Variants in LRRK2 observed in about 807,000 individuals in gnomAD.
LRRK2 encodes the protein leucine-rich repeat serine/threonine-protein kinase 2.
Under a neutral mutation model 302.6 loss-of-function variants are expected in LRRK2, and 203 were observed. The ratio of observed to expected loss-of-function variants is 0.67; its 90% CI spans 0.60 to 0.75. The LOEUF is 0.75. Among genes scored for constraint, LRRK2 ranks in the 30% least tolerant of loss-of-function variants. The pLI, the probability that LRRK2 is intolerant of heterozygous loss-of-function variation, is 0.00. For synonymous variants in LRRK2, 1,066 were observed against 1,031.9 expected (o/e 1.03, Z -0.63); for missense variants, 2,830 against 2,951.0 (o/e 0.96, Z 0.95).
intron 31 of LRRK2, among the ~76,000 whole-genome samples, chr12:40,311,508 C>T (rs1389496734): frequency 6.6e-6 from 1 of 152,136 alleles, no homozygotes; most frequent in Non-Finnish European, 1.5e-5. Flanking sequence ...CACTAATGAT[C>T]AAGATACTGG....
chr12:40,247,155 AT>A (rs1194017697), intron 7 of LRRK2, among the ~76,000 whole-genome samples: 3 of 152,048 alleles, frequency 2.0e-5, no homozygotes, highest in Non-Finnish European at 4.4e-5. Context: ...AGCAACTTGT[AT>A]TTTCACTTCT....
chr12:40,311,195 A>G (rs1244181472), intron 31 of LRRK2, among the ~76,000 whole-genome samples: 1 of 152,082 alleles, frequency 6.6e-6, no homozygotes, highest in Non-Finnish European at 1.5e-5. Context: ...CATGAAGACC[A>G]CTAACTTGGT....
intron 7 of LRRK2, among the ~76,000 whole-genome samples, chr12:40,249,372 T>C (rs1942153777): frequency 6.6e-6 from 1 of 151,536 alleles, no homozygotes; most frequent in African/African-American, 2.4e-5. Flanking sequence ...ATGGTAAACA[T>C]GCCAATGAAT....
Position 40,237,988 on chromosome 12 carries a change from A to G in LRRK2, c.456A>G (p.Ile152Met). ...AAATAGGTAAAATCACCTTGCTGAT[A>G]TTGGATGAAGAAAGTGATATTTTCA... is the stretch of plus-strand genomic sequence containing the variant. ...LLTSGKITLL[I>M]LDEESDIFML... Residue 152 changes from isoleucine (I) to methionine (M), a missense_variant, in exon 5 of 51, where the codon ATA (isoleucine) becomes ATG (methionine). Physicochemically the swap from Ile to Met is conservative, Grantham distance 10. Transcript: ENST00000298910. 1.2e-6 allele frequency: 2 copies of G among 1,612,270 alleles called. No homozygotes were observed. The highest frequency in any genetic ancestry group is 1.7e-6 in the Non-Finnish European group (2 of 1,178,742).
At chr12:40,249,760 T>C in intron 7 of LRRK2, 66 bp from the exon 8 acceptor site, 1 of 1,539,034 alleles carries the variant, frequency 6.5e-7, no homozygotes, top group South Asian at 1.1e-5. Context: ...GTAAATAGTG[T>C]TATATGTTAA....
At position 40,283,947 on chromosome 12, in the gene LRRK2, C is replaced by T. The variant is rs376015112; in HGVS notation, c.2314C>T (p.Arg772Ter). Reference sequence around the variant, plus strand: ...TAGTGGATCTCGTGAACAAGATGTACGAAAAGCGTTGACGATAAGCATTGG... The same window carrying T: ...TAGTGGATCTCGTGAACAAGATGTATGAAAAGCGTTGACGATAAGCATTGG... Reference protein sequence around the residue: ...LNSGSREQDVRKALTISIGKG... With the variant: ...LNSGSREQDV Residue 772 changes from arginine (R) to a stop codon, truncating the protein, a stop_gained, in exon 19 of 51, where the codon CGA (arginine) becomes TGA (stop). Transcript: ENST00000298910. LOFTEE classifies it high-confidence loss of function. The T allele has an allele frequency of 6.6e-5, 107 of 1,613,516 alleles. No homozygotes were observed. The highest frequency in any genetic ancestry group is 8.6e-5 in the Non-Finnish European group (102 of 1,179,778).
intron 46 of LRRK2, among the ~76,000 whole-genome samples, chr12:40,357,439 T>G (rs1946573236): frequency 6.6e-6 from 1 of 152,222 alleles, no homozygotes; most frequent in Non-Finnish European, 1.5e-5. Context: ...ACTGATTCCC[T>G]TTCCTTTAGA....
chr12:40,266,184 G>A (rs1464483963), intron 14 of LRRK2, among the ~76,000 whole-genome samples: 1 of 152,050 alleles, frequency 6.6e-6, no homozygotes, highest in Admixed American at 6.5e-5. Context: ...CTTCTGCACA[G>A]CAAAAGAAAC....
At chr12:40,304,284 A>T in intron 27 of LRRK2, 150 bp downstream of exon 27, 1 of 707,236 alleles carries the variant, frequency 1.4e-6, no homozygotes. Flanking sequence ...ATAAATCCAG[A>T]TTTCCATTAA....
intron 18 of LRRK2, among the ~76,000 whole-genome samples, chr12:40,283,550 A>G (rs1260041039): frequency 2.6e-5 from 4 of 152,250 alleles, no homozygotes; most frequent in African/African-American, 4.8e-5. Context: ...AAGCTCAGAA[A>G]GTGTAAGCAA....
chr12:40,295,987 C>T (rs1340621799), intron 23 of LRRK2, among the ~76,000 whole-genome samples: 1 of 152,126 alleles, frequency 6.6e-6, no homozygotes, highest in Non-Finnish European at 1.5e-5. Flanking sequence ...TAGAATTAGA[C>T]CTGGTTTGGT....
At chr12:40,314,201 A>C in intron 32 of LRRK2, 28 bp downstream of exon 32, 1 of 1,595,908 alleles carries the variant, frequency 6.3e-7, no homozygotes, top group Non-Finnish European at 8.6e-7. Flanking sequence ...CTTATTTTCA[A>C]AGCTCAGCTG....
intron 38 of LRRK2, 128 bp from the exon 39 acceptor site, chr12:40,328,232 T>C (rs539902900): frequency 1.4e-6 from 1 of 709,630 alleles, no homozygotes; most frequent in African/African-American, 1.8e-5. Context: ...GGAGATTTGA[T>C]TCAATGAAAC....
chr12:40,240,338 G>A (rs112683787), intron 5 of LRRK2, 145 bp from the exon 6 acceptor site: 3 of 756,824 alleles, frequency 4.0e-6, no homozygotes, highest in East Asian at 2.7e-5. Context: ...TCTTAGGAAG[G>A]GCTGCTTCAC....
chr12:40,348,929 A>G lies in LRRK2; in HGVS notation c.6381+420A>G, dbSNP rs1946273794. ...ATGAATGGAATTTCTTAATTTTAATATATATAAATTTAACAATTCTTCTTT... is the reference window on the plus strand; with the variant it reads ...ATGAATGGAATTTCTTAATTTTAATGTATATAAATTTAACAATTCTTCTTT... On this transcript the variant is annotated intron_variant, in intron 43 of 50. Coordinates refer to ENST00000298910, the MANE Select transcript of LRRK2 (RefSeq NM_198578.4). Among the ~76,000 whole-genome samples, 3 of 151,968 alleles carry G rather than the reference A, an allele frequency of 2.0e-5. No homozygotes were observed. In the South Asian group the frequency reaches 6.2e-4, roughly 31 times the overall value.
Position 40,309,289 on chromosome 12 carries a change from T to TGC in LRRK2, c.4317+57_4317+58insCG. 3 of 1,553,674 alleles carry TGC rather than the reference T, an allele frequency of 1.9e-6. 1 individual carries two copies. Among genetic ancestry groups the TGC allele is most frequent in the Non-Finnish European group, 1.8e-6 (2 of 1,140,448 alleles). On this transcript the variant is annotated intron_variant, in intron 30 of 50. Transcript: ENST00000298910. ...AATAATTCATGTGTCTGTGTGCGTG[T>TGC]GTGTGTGTGTGTGTAAGTTAATTTA...
rs1336465514 is a variant in LRRK2, at chr12:40,301,339, G to A, written c.3497-1450G>A. Among the ~76,000 whole-genome samples, 10 of 152,182 alleles carry A rather than the reference G, an allele frequency of 6.6e-5. No individual in the cohort carries two copies. In the South Asian group the frequency reaches 8.3e-4, roughly 13 times the overall value. ...CTCGGGAGGCTGAGGCAGAAGAATCGCTTGAACCAGGGAGTCAGAGGTTGC... is the reference window on the plus strand; with the variant it reads ...CTCGGGAGGCTGAGGCAGAAGAATCACTTGAACCAGGGAGTCAGAGGTTGC... On this transcript the variant is annotated intron_variant, in intron 25 of 50. Coordinates refer to ENST00000298910, the MANE Select transcript of LRRK2 (RefSeq NM_198578.4).
At position 40,274,667 on chromosome 12, in the gene LRRK2, T is replaced by A. The variant is rs551593576; in HGVS notation, c.1741T>A (p.Ser581Thr). ...TTTTCCTGATGCATTAGAGATGTTA[T>A]CCCTGGAAGGTGCTATGGATTCAGT... ...VHFPDALEML[S>T]LEGAMDSVLH... Residue 581 changes from serine (S) to threonine (T), a missense_variant, in exon 15 of 51, where the codon TCC becomes ACC. Ser to Thr is a moderately conservative substitution (Grantham distance 58). Around this residue, in one of 3 missense-constraint regions of LRRK2, gnomAD observed 2,121 missense variants for 2,148.0 expected, o/e 0.99. Coordinates refer to ENST00000298910, the MANE Select transcript of LRRK2 (RefSeq NM_198578.4). 9 of 1,614,030 alleles carry A rather than the reference T, an allele frequency of 5.6e-6. No homozygotes were observed. Among genetic ancestry groups the A allele is most frequent in the East Asian group, 2.2e-5 (1 of 44,852 alleles).
chr12:40,235,799 T>TG lies in LRRK2; in HGVS notation c.436+85_436+86insG, dbSNP rs1224235783. The TG allele has an allele frequency of 1.2e-5, 9 of 741,214 alleles. No homozygotes were observed. In the East Asian group the frequency reaches 1.9e-4, roughly 16 times the overall value. 45.9% of individuals were successfully genotyped at this position (741,214 alleles called of 1,614,324 possible). ...AGTAAATGTGTGTGTGTGTGTTTTT[T>TG]TTTTTTTTTTTTTGAAGATCAGGAT... On this transcript the variant is annotated intron_variant, in intron 4 of 50. Transcript: ENST00000298910.
Sources: gnomAD v4.1 joint callset for allele counts (sites outside exome capture counted in the v4.1 genomes callset) on GRCh38, gnomAD v4.1.1 for gene constraint, gnomAD v4.1.1 regional missense constraint, MANE v1.5 for transcripts, NCBI Gene and HGNC (gene_info 2026-07-23, HGNC 2026-07-21) for gene names.